REPS1: variants seen among roughly 807,000 people sequenced by gnomAD.
REPS1 encodes RALBP1 associated Eps domain containing 1.
In REPS1, 39 loss-of-function variants were observed where a neutral mutation model predicts 100.9. The observed-to-expected ratio is 0.39, with a 90% CI of 0.30 to 0.50. The LOEUF (loss-of-function observed/expected upper bound fraction) is 0.50. Ranked by LOEUF, REPS1 falls within the 20% of genes least tolerant of loss-of-function variation. The probability of loss-of-function intolerance (pLI) is 0.86; values close to 1 mark genes in which losing one functional copy is unlikely to be tolerated. For synonymous variants in REPS1, 324 were observed against 340.3 expected (o/e 0.95, Z 0.53); for missense variants, 821 against 968.5 (o/e 0.85, Z 2.02).
chr6:138,908,621 C>CT (rs751263174), intron 18 of REPS1, 47 bp downstream of exon 18: 1 of 1,603,552 alleles, frequency 6.2e-7, no homozygotes, highest in East Asian at 2.2e-5. Flanking sequence ...AATTGTCGTG[C>CT]TTTTTCTTCC....
At position 138,920,328 on chromosome 6, in the gene REPS1, TTAATAGGTAAA is replaced by T; in HGVS notation, c.1427-23_1427-13del. The stretch of plus-strand genomic sequence containing the variant: ...GGGATTTGTATGATCTAATAGAGAA[TTAATAGGTAAA>T]AATACAAGACATAGGTATTTGAACT... On this transcript the variant is annotated splice_polypyrimidine_tract_variant and intron_variant, in intron 11 of 19. Transcript: ENST00000450536. 2.2e-6 allele frequency: 3 copies of T among 1,392,222 alleles called. No homozygotes were observed. The highest frequency in any genetic ancestry group is 3.1e-6 in the Non-Finnish European group (3 of 979,106). 86.2% of individuals were successfully genotyped at this position (1,392,222 alleles called of 1,614,324 possible). A position where few individuals can be genotyped will look rare whatever the true frequency, so the allele number is the denominator to read the frequency against.
Position 138,966,323 on chromosome 6 carries a change from T to A in REPS1, c.154-18410A>T, listed in dbSNP as rs532698178. 8.5e-5 allele frequency among the ~76,000 whole-genome samples: 13 copies of A among 152,284 alleles called. No homozygotes were observed. The South Asian group carries it at 2.7e-3, about 32-fold the overall frequency. On this transcript the variant is annotated intron_variant, in intron 1 of 19. Coordinates refer to ENST00000450536, the MANE Select transcript of REPS1 (RefSeq NM_001286611.2). ...AATGGGACAGGGAAATTTCTTTACT[T>A]ATAATATGATAAAGAGAAACCCATT... is the stretch of plus-strand genomic sequence containing the variant.
Position 138,920,291 on chromosome 6 carries a change from T to A in REPS1, c.1452A>T (p.Leu484Phe). The A allele has an allele frequency of 6.3e-7, 1 of 1,596,726 alleles. No homozygotes were observed. Among genetic ancestry groups the A allele is most frequent in the Non-Finnish European group, 8.6e-7 (1 of 1,164,348 alleles). ...CTAAAAGGTCAGATGGTTTCACAAGTAATGGGCTAGTGGGATTTGTATGAT... is the reference window on the plus strand; with the variant it reads ...CTAAAAGGTCAGATGGTTTCACAAGAAATGGGCTAGTGGGATTTGTATGAT... ...GSDHTNPTSPLLVKPSDLLEE... is the reference protein window; with the variant it reads ...GSDHTNPTSPFLVKPSDLLEE... Residue 484 changes from leucine (L) to phenylalanine (F), a missense_variant, in exon 12 of 20, where the codon TTA becomes TTT. By Grantham distance (22) the Leu-to-Phe change is conservative. Around this residue, in one of 3 missense-constraint regions of REPS1, gnomAD observed 757 missense variants for 866.4 expected, o/e 0.87. Transcript: ENST00000450536.
chr6:138,945,194 C>T, intron 4 of REPS1, 25 bp downstream of exon 4: 1 of 1,576,140 alleles, frequency 6.3e-7, no homozygotes, highest in Non-Finnish European at 8.6e-7. Flanking sequence ...CACAATGACA[C>T]TCTAATCAAT....
chr6:138,969,583 C>T (rs557624239), intron 1 of REPS1, among the ~76,000 whole-genome samples: 85 of 151,792 alleles, frequency 5.6e-4, no homozygotes, highest in African/African-American at 2.0e-3. Context: ...GCCACCGTAC[C>T]CAGCAAGGCT....
chr6:138,944,619 G>A lies in REPS1; in HGVS notation c.632C>T (p.Ser211Phe), dbSNP rs1323274956. The A allele has an allele frequency of 1.2e-6, 2 of 1,613,346 alleles. No homozygotes were observed. The highest frequency in any genetic ancestry group is 1.7e-6 in the Non-Finnish European group (2 of 1,179,802). ...WSPFGEAQSG[S>F]SAGDAVWSGH... ...TGACCACACTGCATCACCAGCAGAA[G>A]AACCTATAAGGAGAATGGGTAAACA... Residue 211 changes from serine (S) to phenylalanine (F), a missense_variant, in exon 5 of 20, where the codon TCT becomes TTT. Ser to Phe is a radical substitution (Grantham distance 155). Transcript: ENST00000450536.
intron 1 of REPS1, among the ~76,000 whole-genome samples, chr6:138,956,320 C>A (rs1374200275): frequency 2.0e-5 from 3 of 151,716 alleles, no homozygotes; most frequent in African/African-American, 7.3e-5. Flanking sequence ...CCAAGAATAC[C>A]CATGGAGAAG....
chr6:138,911,172 G>C (rs1779978911), intron 17 of REPS1, 104 bp downstream of exon 17: 1 of 736,338 alleles, frequency 1.4e-6, no homozygotes, highest in African/African-American at 1.8e-5. Flanking sequence ...ACAGTTAAAG[G>C]CAGAGAAATG....
intron 17 of REPS1, among the ~76,000 whole-genome samples, chr6:138,910,064 A>T (rs970804855): frequency 2.6e-5 from 4 of 151,914 alleles, no homozygotes; most frequent in Admixed American, 1.3e-4. Context: ...GTGAAATGTG[A>T]CCTCTAATGT....
At chr6:138,918,831 T>C (rs564875890) in intron 12 of REPS1, among the ~76,000 whole-genome samples, 14 of 152,224 alleles carry the variant, frequency 9.2e-5, no homozygotes, top group African/African-American at 2.4e-4. Flanking sequence ...ATCCCAGAAA[T>C]AGACTAAGAG....
At chr6:138,948,517 T>A (rs894626958) in intron 1 of REPS1, among the ~76,000 whole-genome samples, 1 of 152,224 alleles carries the variant, frequency 6.6e-6, no homozygotes, top group Non-Finnish European at 1.5e-5. Context: ...TTTTAGAGCA[T>A]GAAAGTGTTC....
At chr6:138,954,492 A>G (rs1397994766) in intron 1 of REPS1, among the ~76,000 whole-genome samples, 1 of 143,824 alleles carries the variant, frequency 7.0e-6, no homozygotes, top group Non-Finnish European at 1.5e-5. Flanking sequence ...CTAACAATAG[A>G]TGATGAGCTT....
chr6:138,906,331 A>G (rs1167850713), intron 19 of REPS1, among the ~76,000 whole-genome samples: 1 of 152,222 alleles, frequency 6.6e-6, no homozygotes, highest in Non-Finnish European at 1.5e-5. Context: ...CATTCATTCA[A>G]CAGACATTAA....
chr6:138,928,506 T>A (rs1781283232), intron 9 of REPS1: 1 of 152,128 alleles, frequency 6.6e-6, no homozygotes. Context: ...GAAAAAAAAT[T>A]ATGACATTCA....
chr6:138,948,048 A>T, intron 1 of REPS1, 135 bp from the exon 2 acceptor site: 1 of 617,980 alleles, frequency 1.6e-6, no homozygotes, highest in Admixed American at 4.3e-5. Flanking sequence ...ACTGACAACC[A>T]ACTTCCTCAA....
chr6:138,981,287 T>C (rs1318582125), intron 1 of REPS1, among the ~76,000 whole-genome samples: 1 of 152,196 alleles, frequency 6.6e-6, no homozygotes. Context: ...GTATTCTTAA[T>C]TTTAAAAAGC....
At chr6:138,926,539 C>A in intron 9 of REPS1, 58 bp from the exon 10 acceptor site, 1 of 1,223,694 alleles carries the variant, frequency 8.2e-7, no homozygotes, top group Non-Finnish European at 1.2e-6. Flanking sequence ...TAAAAGATCA[C>A]TGGAGAAGAT....
intron 1 of REPS1, among the ~76,000 whole-genome samples, chr6:138,983,899 G>A (rs1785096173): frequency 6.6e-6 from 1 of 152,126 alleles, no homozygotes; most frequent in Admixed American, 6.5e-5. Flanking sequence ...ATCTAAGAAT[G>A]TCTGAAACCA....
At chr6:138,972,332 G>GA (rs1784385995) in intron 1 of REPS1, among the ~76,000 whole-genome samples, 1 of 152,128 alleles carries the variant, frequency 6.6e-6, no homozygotes, top group African/African-American at 2.4e-5. Context: ...GTGAGAAACA[G>GA]AAAAACAGAT....
Sources: gnomAD v4.1 joint callset for allele counts (sites outside exome capture counted in the v4.1 genomes callset) on GRCh38, gnomAD v4.1.1 for gene constraint, gnomAD v4.1.1 regional missense constraint, MANE v1.5 for transcripts, NCBI Gene and HGNC (gene_info 2026-07-23, HGNC 2026-07-21) for gene names.